Variants in RBMS1 observed in about 807,000 individuals in gnomAD.
The protein encoded by RBMS1 is RNA-binding motif, single-stranded-interacting protein 1.
Under a neutral mutation model 62.3 loss-of-function variants are expected in RBMS1, and 17 were observed. The observed-to-expected ratio is 0.27, with a 90% confidence interval of 0.19 to 0.41. The LOEUF (loss-of-function observed/expected upper bound fraction) is 0.41, where lower values mean the gene tolerates loss of function less well. Ranked by LOEUF, RBMS1 falls within the 10% of genes least tolerant of loss-of-function variation. The probability of loss-of-function intolerance (pLI) is 1.00; values close to 1 mark genes in which losing one functional copy is unlikely to be tolerated. For synonymous variants in RBMS1, 172 were observed against 170.0 expected (o/e 1.01, Z -0.09); for missense variants, 334 against 504.5 (o/e 0.66, Z 3.24).
intron 1 of RBMS1, among the ~76,000 whole-genome samples, chr2:160,429,056 C>G (rs1682774376): frequency 6.6e-6 from 1 of 152,158 alleles, no homozygotes; most frequent in Admixed American, 6.5e-5. Context: ...CAATTAAATA[C>G]ATTTGTCTGT....
chr2:160,468,732 A>G (rs577055710), intron 1 of RBMS1, among the ~76,000 whole-genome samples: 3 of 152,352 alleles, frequency 2.0e-5, no homozygotes, highest in African/African-American at 7.2e-5. Flanking sequence ...AAAATCTACA[A>G]TGTAAGACAT....
chr2:160,467,230 G>A (rs910337343), intron 1 of RBMS1, among the ~76,000 whole-genome samples: 2 of 151,820 alleles, frequency 1.3e-5, no homozygotes, highest in African/African-American at 2.4e-5. Flanking sequence ...AGGTGGGCAC[G>A]GACCAACTGC....
intron 2 of RBMS1, among the ~76,000 whole-genome samples, chr2:160,343,019 T>C (rs1379240261): frequency 6.6e-6 from 1 of 152,086 alleles, no homozygotes; most frequent in Non-Finnish European, 1.5e-5. Context: ...GAAGCCACCA[T>C]GGCATGGAGC....
At position 160,471,715 on chromosome 2, in the gene RBMS1, AT is replaced by A. The variant is rs1209252353; in HGVS notation, c.75+21573del. On this transcript the variant is annotated intron_variant, in intron 1 of 13. Coordinates refer to ENST00000348849, the MANE Select transcript of RBMS1 (RefSeq NM_016836.4). ...TGTATATATATATATATATATATAT[AT>A]AACCTTTCATACATTCTGATTATAA... is the stretch of plus-strand genomic sequence containing the variant. 2.0e-4 allele frequency among the ~76,000 whole-genome samples: 25 copies of A among 123,640 alleles called. 3 individuals are homozygous for A. The highest frequency in any genetic ancestry group is 2.6e-4 in the Admixed American group (3 of 11,484). 81.1% of individuals were successfully genotyped at this position (123,640 alleles called of 152,430 possible).
intron 1 of RBMS1, 65 bp from the exon 2 acceptor site, chr2:160,367,456 A>C (rs755630341): frequency 6.0e-5 from 95 of 1,585,224 alleles, no homozygotes; most frequent in Non-Finnish European, 8.1e-5. Flanking sequence ...AATAAAATGA[A>C]GTTACCAAGA....
At chr2:160,293,091 C>T (rs941564283) in intron 6 of RBMS1, among the ~76,000 whole-genome samples, 1 of 152,126 alleles carries the variant, frequency 6.6e-6, no homozygotes, top group Non-Finnish European at 1.5e-5. Flanking sequence ...CTGAAGGTAC[C>T]AGGGACATTC....
chr2:160,343,482 G>A (rs1404072030), intron 2 of RBMS1, among the ~76,000 whole-genome samples: 1 of 152,114 alleles, frequency 6.6e-6, no homozygotes, highest in African/African-American at 2.4e-5. Context: ...GTTCAGTGGG[G>A]CCTCCTGTTT....
intron 10 of RBMS1, among the ~76,000 whole-genome samples, chr2:160,280,478 T>C (rs1419677165): frequency 6.6e-6 from 1 of 152,244 alleles, no homozygotes; most frequent in Admixed American, 6.5e-5. Context: ...CAGTATCCAC[T>C]TTAAAAGGTA....
At chr2:160,425,019 G>A (rs1682491386) in intron 1 of RBMS1, among the ~76,000 whole-genome samples, 1 of 151,950 alleles carries the variant, frequency 6.6e-6, no homozygotes, top group Non-Finnish European at 1.5e-5. Flanking sequence ...ATCCCTATTA[G>A]ACCTTAATTT....
At chr2:160,461,444 A>C (rs1684460756) in intron 1 of RBMS1, among the ~76,000 whole-genome samples, 1 of 152,206 alleles carries the variant, frequency 6.6e-6, no homozygotes, top group Non-Finnish European at 1.5e-5. Context: ...TCTTCACTTT[A>C]ATTCCAGTAA....
At chr2:160,286,223 A>G (rs1384203191) in intron 7 of RBMS1, among the ~76,000 whole-genome samples, 1 of 148,222 alleles carries the variant, frequency 6.7e-6, no homozygotes, top group Non-Finnish European at 1.5e-5. Flanking sequence ...CTGCTTGAGC[A>G]CAGGAGTTCA....
chr2:160,371,375 T>C (rs1057088044), intron 1 of RBMS1, among the ~76,000 whole-genome samples: 5 of 152,162 alleles, frequency 3.3e-5, no homozygotes, highest in Non-Finnish European at 7.4e-5. Flanking sequence ...CTTGCAACTA[T>C]TTACACACAT....
chr2:160,339,111 G>A (rs1001684216), intron 2 of RBMS1, among the ~76,000 whole-genome samples: 4 of 152,206 alleles, frequency 2.6e-5, no homozygotes, highest in African/African-American at 7.2e-5. Flanking sequence ...CAGCACTGGA[G>A]GCCAGGCATG....
intron 3 of RBMS1, among the ~76,000 whole-genome samples, chr2:160,317,326 T>C (rs760631555): frequency 6.6e-6 from 1 of 152,178 alleles, no homozygotes; most frequent in Non-Finnish European, 1.5e-5. Context: ...GGGGTCTAAT[T>C]AACGAGGAGA....
At chr2:160,330,295 A>G (rs909826165) in intron 2 of RBMS1, among the ~76,000 whole-genome samples, 1 of 152,174 alleles carries the variant, frequency 6.6e-6, no homozygotes, top group African/African-American at 2.4e-5. Context: ...GTCATGGTGA[A>G]CACGAAGGGA....
intron 2 of RBMS1, among the ~76,000 whole-genome samples, chr2:160,366,079 G>T (rs1468608979): frequency 1.3e-5 from 2 of 152,172 alleles, no homozygotes; most frequent in African/African-American, 4.8e-5. Flanking sequence ...TGCTGGGAGG[G>T]ATGGCCTTCT....
At chr2:160,483,449 CTTAT>C (rs1237062320) in intron 1 of RBMS1, among the ~76,000 whole-genome samples, 1 of 152,152 alleles carries the variant, frequency 6.6e-6, no homozygotes, top group Non-Finnish European at 1.5e-5. Context: ...CCATAGCACA[CTTAT>C]ACGTTACCAA....
chr2:160,471,691 G>GTGTGTATGTA (rs1275928756), intron 1 of RBMS1, among the ~76,000 whole-genome samples: 2 of 65,944 alleles, frequency 3.0e-5, no homozygotes, highest in Non-Finnish European at 3.2e-5. Flanking sequence ...ATCCTTTGGT[G>GTGTGTATGTA]TATATATATA....
intron 1 of RBMS1, among the ~76,000 whole-genome samples, chr2:160,486,072 T>C (rs1685589372): frequency 6.6e-6 from 1 of 152,156 alleles, no homozygotes; most frequent in African/African-American, 2.4e-5. Context: ...GAGACCTTAT[T>C]ATATAAACTG....
Sources: gnomAD v4.1 joint callset for allele counts (sites outside exome capture counted in the v4.1 genomes callset) on GRCh38, gnomAD v4.1.1 for gene constraint, MANE v1.5 for transcripts, NCBI Gene and HGNC (gene_info 2026-07-23, HGNC 2026-07-21) for gene names.